The following NLRP11 variants were observed in gnomAD, a reference collection of about 807,000 sequenced individuals.
NLRP11 encodes NACHT, LRR and PYD domains-containing protein 11.
In NLRP11, 53 loss-of-function variants were observed where a neutral mutation model predicts 79.3. The observed-to-expected ratio is 0.67, with a 90% CI of 0.54 to 0.84. The LOEUF (loss-of-function observed/expected upper bound fraction) is 0.84. NLRP11 is among the 40% of genes least tolerant of loss of function. The probability of loss-of-function intolerance (pLI) is 0.00; values close to 1 mark genes in which losing one functional copy is unlikely to be tolerated. For synonymous variants in NLRP11, 518 were observed against 462.6 expected, an observed-to-expected ratio of 1.12 and a Z score of -1.54; for missense variants, 1,264 against 1,255.0, an observed-to-expected ratio of 1.01 and a Z score of -0.11.
intron 1 of NLRP11, among the ~76,000 whole-genome samples, chr19:55,824,380 A>G (rs975933860): frequency 1.7e-4 from 25 of 147,764 alleles, no homozygotes; most frequent in Non-Finnish European, 3.0e-4. Flanking sequence ...ACCAGCTAAC[A>G]TCATAATGAC....
chr19:55,808,651 T>C, intron 3 of NLRP11, 118 bp downstream of exon 3: 2 of 881,760 alleles, frequency 2.3e-6, no homozygotes, highest in Admixed American at 2.4e-5. Context: ...AATTAGAAGC[T>C]AGATTGGAAG....
At chr19:55,792,270 C>T (rs1200813097) in intron 7 of NLRP11, 31 bp downstream of exon 7, 8 of 1,600,234 alleles carry the variant, frequency 5.0e-6, no homozygotes, top group Non-Finnish European at 6.8e-6. Flanking sequence ...AGTAGAAACA[C>T]AGTCATCCAG....
At chr19:55,806,321 T>A (rs1388671195) in intron 4 of NLRP11, among the ~76,000 whole-genome samples, 2 of 152,240 alleles carry the variant, frequency 1.3e-5, no homozygotes, top group Non-Finnish European at 2.9e-5. Context: ...CTAATAGACA[T>A]CACAGCTTTA....
intron 2 of NLRP11, among the ~76,000 whole-genome samples, chr19:55,816,565 A>G (rs1981133108): frequency 6.6e-6 from 1 of 152,158 alleles, no homozygotes; most frequent in South Asian, 2.1e-4. Flanking sequence ...TGAGCCAATG[A>G]TGACGACCTG....
At chr19:55,796,921 T>A (rs1419262055) in intron 5 of NLRP11, among the ~76,000 whole-genome samples, 1 of 152,152 alleles carries the variant, frequency 6.6e-6, no homozygotes. Context: ...ACTCCCGGCC[T>A]CAGGGGATCC....
chr19:55,810,002 A>G (rs1980440055), exon 3 of NLRP11: 1 of 1,614,082 alleles, frequency 6.2e-7, no homozygotes, highest in Non-Finnish European at 8.5e-7. Flanking sequence ...GTCCTTGGCG[A>G]TTAGCTCAGC....
intron 1 of NLRP11, among the ~76,000 whole-genome samples, chr19:55,819,915 T>C (rs531331945): frequency 1.3e-5 from 2 of 152,260 alleles, no homozygotes; most frequent in South Asian, 4.2e-4. Flanking sequence ...TACCAGGTAC[T>C]ATGTTAGAAG....
chr19:55,786,389 G>A (rs1399416815), intron 9 of NLRP11, among the ~76,000 whole-genome samples: 2 of 152,034 alleles, frequency 1.3e-5, no homozygotes, highest in Non-Finnish European at 2.9e-5. Flanking sequence ...GCCGGGTGTG[G>A]TGGTGCGTGC....
chr19:55,795,812 C>T (rs1300202063), intron 6 of NLRP11, among the ~76,000 whole-genome samples: 2 of 152,142 alleles, frequency 1.3e-5, no homozygotes, highest in African/African-American at 4.8e-5. Flanking sequence ...TAACTCTTAT[C>T]TCCAAAGATG....
chr19:55,830,743 T>C (rs1456472835), intron 1 of NLRP11, among the ~76,000 whole-genome samples: 1 of 101,374 alleles, frequency 9.9e-6, no homozygotes, highest in African/African-American at 6.6e-5. Flanking sequence ...TGCTGGAATT[T>C]GCTGTTGACT....
intron 5 of NLRP11, 141 bp downstream of exon 5, chr19:55,801,431 C>A: frequency 1.6e-6 from 1 of 638,796 alleles, no homozygotes. Flanking sequence ...GTGAAAGAAA[C>A]AAACCACGTG....
intron 9 of NLRP11, among the ~76,000 whole-genome samples, chr19:55,788,259 G>A (rs1279950197): frequency 6.6e-6 from 1 of 151,916 alleles, no homozygotes; most frequent in East Asian, 1.9e-4. Flanking sequence ...AACCCTTTTT[G>A]GTCTACGTCA....
upstream of NLRP11, among the ~76,000 whole-genome samples, chr19:55,834,726 T>C (rs929346613): frequency 2.0e-5 from 3 of 152,192 alleles, no homozygotes; most frequent in Non-Finnish European, 2.9e-5. Context: ...ACTGACAGAA[T>C]GGATCATTAA....
At chr19:55,797,331 A>G (rs921482221) in intron 5 of NLRP11, among the ~76,000 whole-genome samples, 1 of 152,182 alleles carries the variant, frequency 6.6e-6, no homozygotes, top group Non-Finnish European at 1.5e-5. Flanking sequence ...TAGAATAAAA[A>G]TAAGTGATCT....
In NLRP11 at chr19:55,809,456, G is replaced by A. The variant is rs547074542; in HGVS notation, c.1154C>T (p.Thr385Ile). ...GAGACCTAGGTGATACTGATTGGCA[G>A]TAAGTCCAGCCTCTGATGTCAACGC... Residue 385 changes from threonine (T) to isoleucine (I), a missense_variant, in exon 3 of 10, where the codon ACT becomes ATT. Thr to Ile is a moderately conservative substitution (Grantham distance 89). Coordinates refer to ENST00000589093, the Ensembl canonical transcript of NLRP11. The surrounding 1 kb of genome is among the most constrained non-coding windows in gnomAD (Gnocchi z 4.5). 14 of 1,614,198 alleles carry A rather than the reference G, an allele frequency of 8.7e-6. No individual in the cohort carries two copies. The highest frequency in any genetic ancestry group is 8.0e-5 in the African/African-American group (6 of 75,050).
intron 4 of NLRP11, 105 bp downstream of exon 4, chr19:55,807,748 C>T (rs1980134133): frequency 2.7e-6 from 2 of 731,510 alleles, no homozygotes; most frequent in African/African-American, 3.5e-5. Context: ...CCCTGATGAG[C>T]CTGACCTGAA....
At chr19:55,818,154 A>T (rs777218541) in exon 2 of NLRP11, 1 of 1,613,000 alleles carries the variant, frequency 6.2e-7, no homozygotes, top group South Asian at 1.1e-5. Flanking sequence ...GGTCAAAGTC[A>T]GTAGAATCCG....
At chr19:55,817,822 A>C (rs1208814057) in intron 2 of NLRP11, 82 bp downstream of exon 2, 1 of 553,456 alleles carries the variant, frequency 1.8e-6, no homozygotes, top group South Asian at 4.0e-5. Context: ...CCTATTTAGA[A>C]AAAAAAAAAA....
chr19:55,813,925 A>C (rs1199664820), intron 2 of NLRP11, among the ~76,000 whole-genome samples: 4 of 152,146 alleles, frequency 2.6e-5, no homozygotes, highest in African/African-American at 4.8e-5. Context: ...ATAGTGGTAA[A>C]AATGTAAAGG....
Sources: gnomAD v4.1 joint callset for allele counts (sites outside exome capture counted in the v4.1 genomes callset) on GRCh38, gnomAD v4.1.1 for gene constraint, Gnocchi (gnomAD v3.1) non-coding constraint, MANE v1.5 for transcripts, NCBI Gene and HGNC (gene_info 2026-07-23, HGNC 2026-07-21) for gene names.